Variants in ADAMTSL1 observed in about 807,000 individuals in gnomAD.
The protein encoded by ADAMTSL1 is ADAMTS like 1.
ADAMTSL1 carries 126 observed loss-of-function variants against 201.8 expected under a neutral mutation model. The observed-to-expected ratio is 0.62, with a 90% confidence interval of 0.54 to 0.72. ADAMTSL1 has a LOEUF of 0.72. Ranked by LOEUF, ADAMTSL1 falls within the 30% of genes least tolerant of loss-of-function variation. The pLI, the probability that ADAMTSL1 is intolerant of heterozygous loss-of-function variation, is 0.00. For missense variants in ADAMTSL1, 2,679 were observed against 2,277.8 expected (o/e 1.18, Z -3.59); for synonymous variants, 1,121 against 903.4 (o/e 1.24, Z -4.32).
At chr9:18,585,500 T>C (rs1823426635) in intron 4 of ADAMTSL1, among the ~76,000 whole-genome samples, 1 of 152,208 alleles carries the variant, frequency 6.6e-6, no homozygotes, top group Non-Finnish European at 1.5e-5. Context: ...ATTTCCATTT[T>C]ATAAATGAGG....
Position 18,392,116 on chromosome 9 carries a change from G to A in ADAMTSL1, c.208-112713G>A, listed in dbSNP as rs1037694823. Among the ~76,000 whole-genome samples, 6 of 152,030 alleles carry A rather than the reference G, an allele frequency of 3.9e-5. No homozygotes were observed. In the South Asian group the frequency reaches 8.3e-4, roughly 21 times the overall value. On this transcript the variant is annotated intron_variant, in intron 2 of 29. Transcript: ENST00000680146. ...TGGGATTACAGGCATGAGTCACTGC[G>A]ACTGGCCCTGAATCAATTACTTTCT...
chr9:18,685,608 A>G (rs564985781), intron 13 of ADAMTSL1, among the ~76,000 whole-genome samples: 162 of 152,244 alleles, frequency 1.1e-3, no homozygotes, highest in Non-Finnish European at 1.7e-3. Context: ...ATTCACTGGC[A>G]CTTAAGATAA....
chr9:18,071,533 G>C (rs1379297634), intron 1 of ADAMTSL1, among the ~76,000 whole-genome samples: 1 of 152,210 alleles, frequency 6.6e-6, no homozygotes, highest in African/African-American at 2.4e-5. Flanking sequence ...TAAATTACTA[G>C]ACTATAACAA....
chr9:18,556,692 A>G (rs1246478397), intron 3 of ADAMTSL1, among the ~76,000 whole-genome samples: 1 of 152,050 alleles, frequency 6.6e-6, no homozygotes, highest in East Asian at 1.9e-4. Flanking sequence ...ACTAAGAAGT[A>G]TGAGCACATT....
intron 2 of ADAMTSL1, among the ~76,000 whole-genome samples, chr9:18,518,996 A>C (rs1443266626): frequency 6.6e-6 from 1 of 152,034 alleles, no homozygotes; most frequent in African/African-American, 2.4e-5. Context: ...GCCTTTTGCT[A>C]CCTCTCTGCC....
In ADAMTSL1 at chr9:18,728,402, T is replaced by A. The variant is rs1587998028; in HGVS notation, c.2006+6737T>A. 2.6e-5 allele frequency among the ~76,000 whole-genome samples: 4 copies of A among 152,224 alleles called. No homozygotes were observed. The East Asian group carries it at 7.7e-4, about 29-fold the overall frequency. On this transcript the variant is annotated intron_variant, in intron 15 of 28. Coordinates refer to ENST00000380548, the MANE Select transcript of ADAMTSL1 (RefSeq NM_001040272.6). ...AAATGTCTTTATATAGACCGTTGGT[T>A]AACGTTAACTTTCTGCACAAATATT...
chr9:18,841,570 T>C (rs1383781053), intron 23 of ADAMTSL1, among the ~76,000 whole-genome samples: 2 of 152,198 alleles, frequency 1.3e-5, no homozygotes, highest in Non-Finnish European at 2.9e-5. Flanking sequence ...TTAGGGAGGA[T>C]TTCCTCTTTT....
intron 1 of ADAMTSL1, among the ~76,000 whole-genome samples, chr9:17,938,090 T>C (rs1827087944): frequency 6.6e-6 from 1 of 152,086 alleles, no homozygotes; most frequent in Admixed American, 6.6e-5. Context: ...TGGAAAAAAA[T>C]GTTCTTTGTT....
chr9:18,473,744 T>A (rs1821312930), upstream of ADAMTSL1: 1 of 161,602 alleles, frequency 6.2e-6, no homozygotes, highest in Non-Finnish European at 1.3e-5. Context: ...AATGGAACAA[T>A]ACACAGTCAC....
At chr9:18,031,957 C>T (rs887819661) in intron 1 of ADAMTSL1, among the ~76,000 whole-genome samples, 1 of 152,148 alleles carries the variant, frequency 6.6e-6, no homozygotes, top group South Asian at 2.1e-4. Context: ...GTGCCCACAG[C>T]CCAGGGATTT....
chr9:18,128,392 C>T (rs12004391), intron 1 of ADAMTSL1, among the ~76,000 whole-genome samples: 1 of 152,090 alleles, frequency 6.6e-6, no homozygotes, highest in South Asian at 2.1e-4. Context: ...GACAGGGTCT[C>T]ACTCCTGCCA....
At chr9:18,554,984 A>G (rs960391366) in intron 3 of ADAMTSL1, among the ~76,000 whole-genome samples, 5 of 151,850 alleles carry the variant, frequency 3.3e-5, no homozygotes, top group Non-Finnish European at 7.4e-5. Context: ...ATCATACAGG[A>G]TAGTTTCACT....
intron 1 of ADAMTSL1, among the ~76,000 whole-genome samples, chr9:18,076,853 G>A (rs1305698548): frequency 2.6e-5 from 4 of 152,040 alleles, no homozygotes; most frequent in African/African-American, 9.7e-5. Context: ...GAAAATAGGA[G>A]GAAAAATGGT....
intron 2 of ADAMTSL1, among the ~76,000 whole-genome samples, chr9:18,183,999 T>C (rs1040933682): frequency 6.6e-6 from 1 of 152,202 alleles, no homozygotes; most frequent in Non-Finnish European, 1.5e-5. Context: ...GGTCATAGAA[T>C]AAACTCACCC....
intron 15 of ADAMTSL1, among the ~76,000 whole-genome samples, chr9:18,722,687 T>C (rs751603963): frequency 6.6e-6 from 1 of 152,150 alleles, no homozygotes; most frequent in African/African-American, 2.4e-5. Context: ...ACCAGAGTTG[T>C]TCTGTATGAT....
chr9:18,291,764 C>CAT (rs1833282393), intron 2 of ADAMTSL1, among the ~76,000 whole-genome samples: 1 of 148,426 alleles, frequency 6.7e-6, no homozygotes, highest in African/African-American at 2.5e-5. Flanking sequence ...CACACACACA[C>CAT]ACACACACAC....
At chr9:18,538,184 A>C (rs1819912277) in intron 3 of ADAMTSL1, among the ~76,000 whole-genome samples, 2 of 152,040 alleles carry the variant, frequency 1.3e-5, no homozygotes, top group African/African-American at 4.8e-5. Flanking sequence ...GGTGGGTGCT[A>C]ATGGTTGTGT....
chr9:18,188,841 A>T (rs2132222188), intron 2 of ADAMTSL1, among the ~76,000 whole-genome samples: 1 of 152,320 alleles, frequency 6.6e-6, no homozygotes. Flanking sequence ...GAACACCGTT[A>T]TGGGCCAGGC....
chr9:17,998,544 A>G (rs535532386), intron 1 of ADAMTSL1, among the ~76,000 whole-genome samples: 13 of 152,204 alleles, frequency 8.5e-5, no homozygotes, highest in African/African-American at 2.6e-4. Flanking sequence ...AAGGAAGTCT[A>G]TAGGCTGCAA....
Sources: gnomAD v4.1 joint callset for allele counts (sites outside exome capture counted in the v4.1 genomes callset) on GRCh38, gnomAD v4.1.1 for gene constraint, MANE v1.5 for transcripts, NCBI Gene and HGNC (gene_info 2026-07-23, HGNC 2026-07-21) for gene names.